Variants in DTNA observed in about 807,000 individuals in gnomAD.
The protein encoded by DTNA is dystrophin-related protein 3.
In DTNA, 43 loss-of-function variants were observed where a neutral mutation model predicts 100.7. That is an observed-to-expected ratio of 0.43 (90% CI 0.33 to 0.55). DTNA has a LOEUF of 0.55. DTNA is among the 20% of genes least tolerant of loss of function. The pLI is 0.04. For missense variants in DTNA, 798 were observed against 953.9 expected (o/e 0.84, Z 2.15); for synonymous variants, 349 against 347.9 (o/e 1.00, Z -0.04).
chr18:34,601,702 C>T (rs2051875025), intron 1 of DTNA, among the ~76,000 whole-genome samples: 1 of 152,198 alleles, frequency 6.6e-6, no homozygotes, highest in South Asian at 2.1e-4. Flanking sequence ...TCTTTTGGCT[C>T]TTATCTCCAC....
chr18:34,646,273 T>A (rs931257372), intron 1 of DTNA, among the ~76,000 whole-genome samples: 3 of 152,142 alleles, frequency 2.0e-5, no homozygotes, highest in South Asian at 2.1e-4. Flanking sequence ...TAAAAAAAAA[T>A]TCATGTTAAG....
rs2095109841 is a variant in DTNA at position 34,799,187 on chromosome 18, TA to T, written c.362+4939del. 3.3e-5 allele frequency among the ~76,000 whole-genome samples: 5 copies of T among 152,298 alleles called. 1 individual carries two copies. In the South Asian group the frequency reaches 1.0e-3, roughly 32 times the overall value. On this transcript the variant is annotated intron_variant, in intron 4 of 22. Coordinates refer to ENST00000444659, the MANE Select transcript of DTNA (RefSeq NM_001386795.1). ...TACCCAGAACTACAAGTCCATCACATAATAGTCTTACGTAGAGAATACAAAA... is the reference window on the plus strand; with the variant it reads ...TACCCAGAACTACAAGTCCATCACATATAGTCTTACGTAGAGAATACAAAA...
At position 34,593,498 on chromosome 18, in the gene DTNA, A is replaced by T. The variant is rs1348822560; in HGVS notation, c.-2+99984A>T. ...TTCACATATGTTCTGGATGTACTGG[A>T]ATTAAAAGGATTTAAGAGATCATGG... On this transcript the variant is annotated intron_variant, in intron 1 of 19. Transcript: ENST00000283365. 3.3e-5 allele frequency: 5 copies of T among 152,222 alleles called. No homozygotes were observed. In the South Asian group the frequency reaches 8.3e-4, roughly 25 times the overall value. 9.4% of individuals were successfully genotyped at this position (152,222 alleles called of 1,614,324 possible).
At chr18:34,612,157 G>A (rs540285196) in intron 1 of DTNA, among the ~76,000 whole-genome samples, 30 of 152,268 alleles carry the variant, frequency 2.0e-4, no homozygotes, top group African/African-American at 3.1e-4. Context: ...GGGCAACAAC[G>A]GGGACCTGGC....
chr18:34,662,151 T>G (rs1359085269), intron 1 of DTNA, among the ~76,000 whole-genome samples: 1 of 149,774 alleles, frequency 6.7e-6, no homozygotes, highest in Non-Finnish European at 1.5e-5. Context: ...TTTTTTTTTG[T>G]ACTCAGGTCA....
chr18:34,754,987 G>C (rs1484967760), intron 1 of DTNA, among the ~76,000 whole-genome samples: 1 of 152,206 alleles, frequency 6.6e-6, no homozygotes, highest in Non-Finnish European at 1.5e-5. Flanking sequence ...ATTTGAGAAA[G>C]AGCAGGGGCC....
At chr18:34,741,593 A>T (rs1011924333) in intron 1 of DTNA, among the ~76,000 whole-genome samples, 2 of 152,176 alleles carry the variant, frequency 1.3e-5, no homozygotes, top group African/African-American at 4.8e-5. Context: ...TTTGGAGCAG[A>T]ATATTCCTGG....
chr18:34,553,717 C>T (rs971984098), intron 1 of DTNA, among the ~76,000 whole-genome samples: 1 of 151,450 alleles, frequency 6.6e-6, no homozygotes, highest in African/African-American at 2.4e-5. Flanking sequence ...TCTGAGGGCT[C>T]TGTTCTGTTC....
At chr18:34,592,614 G>A (rs1161908476) in intron 1 of DTNA, among the ~76,000 whole-genome samples, 2 of 151,794 alleles carry the variant, frequency 1.3e-5, no homozygotes, top group Non-Finnish European at 2.9e-5. Context: ...GTTGAAATCA[G>A]TTTTTCCACA....
At chr18:34,639,582 C>CT (rs1264912435) in intron 1 of DTNA, among the ~76,000 whole-genome samples, 1 of 152,192 alleles carries the variant, frequency 6.6e-6, no homozygotes, top group African/African-American at 2.4e-5. Flanking sequence ...TCAAACTAAA[C>CT]TTCTCTGAAT....
chr18:34,603,082 C>T (rs147050639), intron 1 of DTNA, among the ~76,000 whole-genome samples: 91 of 151,298 alleles, frequency 6.0e-4, no homozygotes, highest in Non-Finnish European at 1.2e-3. Context: ...TTTAGCTGAG[C>T]GTGGTGGTGT....
chr18:34,760,859 C>G (rs147538189), intron 2 of DTNA, among the ~76,000 whole-genome samples: 339 of 152,302 alleles, frequency 2.2e-3, no homozygotes, highest in African/African-American at 8.0e-3. Context: ...CTGGAATATA[C>G]TAAAGCTCTA....
chr18:34,848,431 T>C lies in DTNA; in HGVS notation c.1434+48T>C, dbSNP rs761532318. 23 of 1,570,248 alleles carry C rather than the reference T, an allele frequency of 1.5e-5. 1 individual carries two copies. In the South Asian group the frequency reaches 2.6e-4, roughly 18 times the overall value. ...TTCGTCTGTTGGCATCTGGGATCCTTGAATTTTATATGTCATGTTTATTGT... is the reference window on the plus strand; with the variant it reads ...TTCGTCTGTTGGCATCTGGGATCCTCGAATTTTATATGTCATGTTTATTGT... On this transcript the variant is annotated intron_variant, in intron 14 of 22. Coordinates refer to ENST00000444659, the MANE Select transcript of DTNA (RefSeq NM_001386795.1).
At chr18:34,662,104 T>C (rs1230949579) in intron 1 of DTNA, among the ~76,000 whole-genome samples, 1 of 151,774 alleles carries the variant, frequency 6.6e-6, no homozygotes, top group Non-Finnish European at 1.5e-5. Flanking sequence ...TTATCAAGCT[T>C]GCATCATTTT....
intron 1 of DTNA, among the ~76,000 whole-genome samples, chr18:34,508,436 C>T (rs936628526): frequency 1.3e-5 from 2 of 152,086 alleles, no homozygotes; most frequent in African/African-American, 4.8e-5. Flanking sequence ...GATTAAAGGA[C>T]ATCTTGGCTA....
chr18:34,767,707 T>C (rs540071906), intron 3 of DTNA: 1 of 152,238 alleles, frequency 6.6e-6, no homozygotes, highest in Non-Finnish European at 1.5e-5. Flanking sequence ...GCCACCTCAC[T>C]CCTGTGATTA....
intron 16 of DTNA, among the ~76,000 whole-genome samples, chr18:34,861,028 T>G (rs1044794416): frequency 6.6e-6 from 1 of 152,156 alleles, no homozygotes; most frequent in African/African-American, 2.4e-5. Context: ...AGAAAAAAAT[T>G]TGTATAATTG....
intron 1 of DTNA, among the ~76,000 whole-genome samples, chr18:34,647,039 C>CG (rs1255924417): frequency 8.1e-6 from 1 of 124,140 alleles, no homozygotes; most frequent in Non-Finnish European, 1.7e-5. Flanking sequence ...AAGAGGCTCA[C>CG]AGCCTTCTGA....
intron 1 of DTNA, among the ~76,000 whole-genome samples, chr18:34,508,089 A>G (rs761817677): frequency 6.6e-6 from 1 of 152,134 alleles, no homozygotes; most frequent in Non-Finnish European, 1.5e-5. Context: ...GATCTACTCC[A>G]TGTCTGATTT....
Sources: gnomAD v4.1 joint callset for allele counts (sites outside exome capture counted in the v4.1 genomes callset) on GRCh38, gnomAD v4.1.1 for gene constraint, MANE v1.5 for transcripts, NCBI Gene and HGNC (gene_info 2026-07-23, HGNC 2026-07-21) for gene names.